The following SLC14A2 variants were observed in gnomAD, a reference collection of about 807,000 sequenced individuals.
The protein encoded by SLC14A2 is urea transporter 2.
Under a neutral mutation model 104.6 loss-of-function variants are expected in SLC14A2, and 91 were observed. The ratio of observed to expected loss-of-function variants is 0.87; its 90% CI spans 0.73 to 1.04. The LOEUF is 1.04. Among genes scored for constraint, SLC14A2 ranks in the 50% least tolerant of loss-of-function variants. The pLI, the probability that SLC14A2 is intolerant of heterozygous loss-of-function variation, is 0.00. For synonymous variants in SLC14A2, 476 were observed against 466.4 expected, an observed-to-expected ratio of 1.02 and a Z score of -0.27; for missense variants, 1,189 against 1,156.0, an observed-to-expected ratio of 1.03 and a Z score of -0.41.
chr18:45,488,350 AG>A (rs1269330303), intron 2 of SLC14A2, among the ~76,000 whole-genome samples: 1 of 152,164 alleles, frequency 6.6e-6, no homozygotes, highest in Non-Finnish European at 1.5e-5. Context: ...ACAACAGCAA[AG>A]AAGTGGCATT....
At chr18:45,278,700 T>C (rs1226886440) in intron 1 of SLC14A2, among the ~76,000 whole-genome samples, 2 of 152,166 alleles carry the variant, frequency 1.3e-5, no homozygotes, top group African/African-American at 2.4e-5. Flanking sequence ...CTGTATATAC[T>C]TGGATTTCAC....
At chr18:45,271,169 C>G (rs1285452238) in intron 1 of SLC14A2, among the ~76,000 whole-genome samples, 1 of 152,160 alleles carries the variant, frequency 6.6e-6, no homozygotes, top group Non-Finnish European at 1.5e-5. Flanking sequence ...CAGAGCCTAA[C>G]CAAGTTAGAA....
At chr18:45,513,723 G>T (rs1337039106) in intron 2 of SLC14A2, among the ~76,000 whole-genome samples, 1 of 152,160 alleles carries the variant, frequency 6.6e-6, no homozygotes, top group Non-Finnish European at 1.5e-5. Context: ...TAGGGCTGTG[G>T]TCCCACAAAT....
At chr18:45,177,667 ACT>A in the SLC14A2 span, among the ~76,000 whole-genome samples, 1 of 151,854 alleles carries the variant, frequency 6.6e-6, no homozygotes, top group Non-Finnish European at 1.5e-5. Flanking sequence ...TCACTCCATT[ACT>A]CTTTCCCCTC....
At chr18:45,361,931 C>T (rs940524945) in intron 1 of SLC14A2, among the ~76,000 whole-genome samples, 1 of 152,224 alleles carries the variant, frequency 6.6e-6, no homozygotes, top group Non-Finnish European at 1.5e-5. Flanking sequence ...TTTCCAAGAA[C>T]CGCTTTAGAC....
chr18:45,206,072 GTGT>G, the SLC14A2 span, among the ~76,000 whole-genome samples: 1 of 152,216 alleles, frequency 6.6e-6, no homozygotes, highest in African/African-American at 2.4e-5. Flanking sequence ...GGAGCAAAGT[GTGT>G]TGTTTCATCT....
At chr18:45,214,914 T>TAAA (rs11332986) in intron 1 of SLC14A2, among the ~76,000 whole-genome samples, 3 of 113,906 alleles carry the variant, frequency 2.6e-5, no homozygotes, top group Admixed American at 9.2e-5. Context: ...ACCATGTCTT[T>TAAA]AAAAAAAAAA....
intron 1 of SLC14A2, among the ~76,000 whole-genome samples, chr18:45,253,541 T>C (rs2084445145): frequency 6.6e-6 from 1 of 151,838 alleles, no homozygotes; most frequent in East Asian, 1.9e-4. Context: ...AAAATCTTAA[T>C]TTGAAAGCAC....
chr18:45,330,340 T>C (rs1363672367), intron 1 of SLC14A2, among the ~76,000 whole-genome samples: 4 of 152,266 alleles, frequency 2.6e-5, no homozygotes, highest in Middle Eastern at 3.4e-3. Flanking sequence ...TCACAGACAA[T>C]TGGTCACAGG....
At chr18:45,242,861 GGTGGT>G (rs749686759) in intron 1 of SLC14A2, among the ~76,000 whole-genome samples, 15 of 152,116 alleles carry the variant, frequency 9.9e-5, no homozygotes, top group Non-Finnish European at 1.9e-4. Context: ...GGAAGCATGG[GGTGGT>G]GTTTACATGA....
intron 1 of SLC14A2, among the ~76,000 whole-genome samples, chr18:45,397,869 G>A (rs1205965012): frequency 6.6e-6 from 1 of 151,874 alleles, no homozygotes; most frequent in Non-Finnish European, 1.5e-5. Flanking sequence ...AATAAATTAT[G>A]TAAAAAACTT....
chr18:45,677,150 T>C lies in SLC14A2; in HGVS notation c.2513-1825T>C, dbSNP rs547832792. ...TCTATCCTTCCTCCTCTCTCCCGACTCTGCAAGCCCTATAGCCACACAGGA... is the reference window on the plus strand; with the variant it reads ...TCTATCCTTCCTCCTCTCTCCCGACCCTGCAAGCCCTATAGCCACACAGGA... On this transcript the variant is annotated intron_variant, in intron 18 of 19. Coordinates refer to ENST00000255226, the MANE Select transcript of SLC14A2 (RefSeq NM_007163.4). 2.0e-5 allele frequency among the ~76,000 whole-genome samples: 3 copies of C among 152,326 alleles called. No homozygotes were observed. The East Asian group carries it at 5.8e-4, about 29-fold the overall frequency.
At chr18:45,266,738 C>A (rs1230261760) in intron 1 of SLC14A2, among the ~76,000 whole-genome samples, 1 of 152,140 alleles carries the variant, frequency 6.6e-6, no homozygotes, top group African/African-American at 2.4e-5. Context: ...ACTGTGTGTA[C>A]AATAACTTCA....
chr18:45,532,472 G>A (rs1282696792), intron 2 of SLC14A2, among the ~76,000 whole-genome samples: 1 of 142,770 alleles, frequency 7.0e-6, no homozygotes, highest in Non-Finnish European at 1.5e-5. Flanking sequence ...AATTGTGAAT[G>A]GGAGTTCACT....
At chr18:45,323,741 G>A (rs983403531) in intron 1 of SLC14A2, among the ~76,000 whole-genome samples, 2 of 152,168 alleles carry the variant, frequency 1.3e-5, no homozygotes, top group East Asian at 1.9e-4. Context: ...TTGAATTAAG[G>A]TTCCTATCTC....
At chr18:45,261,631 T>G (rs1028860702) in intron 1 of SLC14A2, among the ~76,000 whole-genome samples, 1 of 151,924 alleles carries the variant, frequency 6.6e-6, no homozygotes, top group African/African-American at 2.4e-5. Flanking sequence ...ATTGTTCAAT[T>G]CCCACCTATA....
intron 1 of SLC14A2, among the ~76,000 whole-genome samples, chr18:45,619,494 C>A (rs1351863283): frequency 6.6e-6 from 1 of 152,198 alleles, no homozygotes; most frequent in Non-Finnish European, 1.5e-5. Context: ...GTTTTGGGAG[C>A]CCCTTGCCAG....
chr18:45,199,563 T>TA, the SLC14A2 span, among the ~76,000 whole-genome samples: 3 of 152,208 alleles, frequency 2.0e-5, no homozygotes, highest in African/African-American at 7.2e-5. Flanking sequence ...ATTTCACAGA[T>TA]ACTCATTTTA....
At chr18:45,474,736 T>A (rs1355760970) in intron 1 of SLC14A2, among the ~76,000 whole-genome samples, 3 of 152,206 alleles carry the variant, frequency 2.0e-5, no homozygotes, top group Non-Finnish European at 4.4e-5. Flanking sequence ...TCCTTTATCA[T>A]TTTTTATTGT....
Sources: gnomAD v4.1 joint callset for allele counts (sites outside exome capture counted in the v4.1 genomes callset) on GRCh38, gnomAD v4.1.1 for gene constraint, MANE v1.5 for transcripts, NCBI Gene and HGNC (gene_info 2026-07-23, HGNC 2026-07-21) for gene names.